Variants in ZMYM1 observed in about 807,000 individuals in gnomAD.
ZMYM1 encodes zinc finger MYM-type containing 1.
Under a neutral mutation model 60.0 loss-of-function variants are expected in ZMYM1, and 39 were observed. That is an observed-to-expected ratio of 0.65 (90% confidence interval 0.50 to 0.85). ZMYM1 has a LOEUF of 0.85. ZMYM1 is among the 40% of genes least tolerant of loss of function. The pLI is 0.00. For synonymous variants in ZMYM1, 413 were observed against 454.0 expected (o/e 0.91, Z 1.15); for missense variants, 1,171 against 1,309.5 (o/e 0.89, Z 1.63).
intron 1 of ZMYM1, among the ~76,000 whole-genome samples, chr1:35,065,657 G>GA (rs571665871): frequency 5.0e-4 from 71 of 140,642 alleles, no homozygotes; most frequent in East Asian, 1.9e-3. Flanking sequence ...TAAGAAGTTA[G>GA]AAAAAAAAAA....
downstream of ZMYM1, among the ~76,000 whole-genome samples, chr1:35,116,606 C>T (rs1264302075): frequency 3.9e-5 from 6 of 151,968 alleles, no homozygotes; most frequent in East Asian, 2.0e-4. Flanking sequence ...GACAGGCGCA[C>T]GCCACCACGC....
intron 4 of ZMYM1, 47 bp downstream of exon 4, chr1:35,097,613 T>C: frequency 6.3e-7 from 1 of 1,596,020 alleles, no homozygotes. Context: ...TACCTTGTTC[T>C]TGATCATAGT....
chr1:35,065,227 C>T (rs1021443001), intron 1 of ZMYM1, among the ~76,000 whole-genome samples: 5 of 152,038 alleles, frequency 3.3e-5, no homozygotes, highest in Non-Finnish European at 5.9e-5. Context: ...TCCTCCACAA[C>T]CTACTCTGCC....
intron 6 of ZMYM1, among the ~76,000 whole-genome samples, chr1:35,107,090 A>C (rs997664691): frequency 3.4e-5 from 5 of 148,424 alleles, no homozygotes; most frequent in Non-Finnish European, 7.5e-5. Flanking sequence ...TGACCTCGTG[A>C]TCCGCCCGCC....
At chr1:35,089,240 T>C (rs563879527) in intron 1 of ZMYM1, among the ~76,000 whole-genome samples, 1 of 152,344 alleles carries the variant, frequency 6.6e-6, no homozygotes, top group African/African-American at 2.4e-5. Flanking sequence ...TCATTGGCTG[T>C]GATACCGCCA....
rs751732107 is a variant in ZMYM1, at chr1:35,115,188, A to C, written c.3358A>C (p.Asn1120His). The C allele has an allele frequency of 6.2e-7, 1 of 1,612,724 alleles. No individual in the cohort carries two copies. The highest frequency in any genetic ancestry group is 1.7e-5 in the Admixed American group (1 of 59,648). Residue 1120 changes from asparagine to histidine, a missense_variant, in exon 10 of 10, where the codon AAT becomes CAT. Physicochemically the swap from Asn to His is moderately conservative, Grantham distance 68 (BLOSUM62 1). Coordinates refer to ENST00000359858, the MANE Select transcript of ZMYM1 (RefSeq NM_024772.5). ...AATGGCTGTTGAGCAGGAGTTGGTA[A>C]ATAAACTAATGGAGCCTGAAAGACT... ...ALMAVEQELVNKLMEPERLNE... is the reference protein window; with the variant it reads ...ALMAVEQELVHKLMEPERLNE...
rs182313758 is a variant in ZMYM1, at chr1:35,080,366, A to T, written c.-75+924A>T. Among the ~76,000 whole-genome samples, 439 of 138,948 alleles carry T rather than the reference A, an allele frequency of 3.2e-3. 1 individual carries two copies. The highest frequency in any genetic ancestry group is 0.011 in the African/African-American group (412 of 36,206). 91.2% of individuals were successfully genotyped at this position (138,948 alleles called of 152,430 possible). ...GGGTCTCGCTCTTTGGCCCAGGCTGAGTGCAGTGACACGATCACGGCTCAC... is the reference window on the plus strand; with the variant it reads ...GGGTCTCGCTCTTTGGCCCAGGCTGTGTGCAGTGACACGATCACGGCTCAC... On this transcript the variant is annotated intron_variant, in intron 1 of 9. Coordinates refer to ENST00000359858, the MANE Select transcript of ZMYM1 (RefSeq NM_024772.5).
intron 1 of ZMYM1, among the ~76,000 whole-genome samples, chr1:35,063,991 G>A (rs2148474671): frequency 6.6e-6 from 1 of 152,234 alleles, no homozygotes; most frequent in East Asian, 1.9e-4. Context: ...AGCCCGAAAT[G>A]ATAGATATCC....
Position 35,113,817 on chromosome 1 carries a change from G to A in ZMYM1, c.1987G>A (p.Val663Ile), listed in dbSNP as rs749718446. ...CATGAAAGAACAGCTTTCAATTTGT[G>A]TAAGATACCCACAAAAATCATCAAA... ...SAMKEQLSIC[V>I]RYPQKSSKAI... Residue 663 changes from valine (V) to isoleucine (I), a missense_variant, in exon 10 of 10, where the codon GTA becomes ATA. Transcript: ENST00000359858. The A allele has an allele frequency of 1.2e-6, 2 of 1,613,756 alleles. No individual in the cohort carries two copies. The highest frequency in any genetic ancestry group is 1.1e-5 in the South Asian group (1 of 91,028).
upstream of ZMYM1, among the ~76,000 whole-genome samples, chr1:35,076,397 G>A (rs552876876): frequency 2.6e-5 from 4 of 152,032 alleles, no homozygotes; most frequent in Non-Finnish European, 2.9e-5. Flanking sequence ...TGAGGTGAGC[G>A]GATCACTTGA....
chr1:35,096,886 G>T (rs1032923773), intron 3 of ZMYM1, among the ~76,000 whole-genome samples: 6 of 152,112 alleles, frequency 3.9e-5, no homozygotes, highest in Non-Finnish European at 8.8e-5. Flanking sequence ...TAGAGACGGG[G>T]TTTCACCATA....
intron 1 of ZMYM1, among the ~76,000 whole-genome samples, chr1:35,084,871 G>A (rs906942246): frequency 6.6e-6 from 1 of 151,840 alleles, no homozygotes; most frequent in African/African-American, 2.4e-5. Flanking sequence ...AGCTACTTTA[G>A]AATCCAGTAC....
chr1:35,103,747 G>A (rs927064126), intron 4 of ZMYM1, among the ~76,000 whole-genome samples: 2 of 152,058 alleles, frequency 1.3e-5, no homozygotes, highest in Non-Finnish European at 2.9e-5. Flanking sequence ...ACATCAACAC[G>A]GTGAAAAAGC....
intron 1 of ZMYM1, among the ~76,000 whole-genome samples, chr1:35,063,162 T>C (rs1401645752): frequency 1.3e-5 from 2 of 151,754 alleles, no homozygotes; most frequent in Non-Finnish European, 2.9e-5. Flanking sequence ...GGCCTCACTT[T>C]ATCACCCAGG....
intron 2 of ZMYM1, among the ~76,000 whole-genome samples, chr1:35,095,447 C>T (rs539512108): frequency 9.5e-5 from 14 of 147,556 alleles, no homozygotes; most frequent in African/African-American, 3.5e-4. Context: ...GACGAGATCG[C>T]GTCACTGTAC....
chr1:35,113,941 T>C lies in ZMYM1; in HGVS notation c.2111T>C (p.Ile704Thr). The C allele has an allele frequency of 1.2e-6, 2 of 1,613,878 alleles. No individual in the cohort carries two copies. The highest frequency in any genetic ancestry group is 8.5e-7 in the Non-Finnish European group (1 of 1,179,870). ...ACTATCAAAACTTATCTGCAGCAAA[T>C]TGGAGTTGATATGGATAAAATACAT... ...HRTIKTYLQQ[I>T]GVDMDKIHGQ... is the part of the protein sequence containing the mutation. The change falls in exon 10 of 10, where the codon ATT becomes ACT. Residue 704 changes from isoleucine to threonine, a missense_variant. By Grantham distance (89) the Ile-to-Thr change is moderately conservative. Coordinates refer to ENST00000359858, the MANE Select transcript of ZMYM1 (RefSeq NM_024772.5).
chr1:35,089,836 C>T (rs1642891953), intron 1 of ZMYM1, among the ~76,000 whole-genome samples: 1 of 147,236 alleles, frequency 6.8e-6, no homozygotes, highest in African/African-American at 2.5e-5. Flanking sequence ...AGGTCTGCCT[C>T]CCAGGTTCAC....
chr1:35,113,602 A>C lies in ZMYM1; in HGVS notation c.1772A>C (p.Glu591Ala). The change falls in exon 10 of 10, where the codon GAA becomes GCA. Residue 591 changes from glutamate to alanine, a missense_variant. Glu to Ala is a moderately radical substitution (Grantham distance 107). Transcript: ENST00000359858. ...VNKGNFLELL[E>A]MRAKDKGEET... Reference sequence around the variant, plus strand: ...AAAGGCAATTTTTTAGAATTGTTAGAAATGAGAGCAAAAGATAAAGGAGAA... The same window carrying C: ...AAAGGCAATTTTTTAGAATTGTTAGCAATGAGAGCAAAAGATAAAGGAGAA... 6.2e-7 allele frequency: 1 copy of C among 1,613,834 alleles called. No individual in the cohort carries two copies. Among genetic ancestry groups the C allele is most frequent in the Non-Finnish European group, 8.5e-7 (1 of 1,179,884 alleles).
chr1:35,087,398 G>A (rs1272327199), intron 1 of ZMYM1, among the ~76,000 whole-genome samples: 1 of 150,474 alleles, frequency 6.6e-6, no homozygotes, highest in Non-Finnish European at 1.5e-5. Context: ...GTCTATATGT[G>A]TATCTGGAAA....
Sources: allele counts gnomAD v4.1 joint callset (sites outside exome capture counted in the v4.1 genomes callset), GRCh38; gene constraint gnomAD v4.1.1; transcripts MANE v1.5; gene names NCBI Gene and HGNC (gene_info 2026-07-23, HGNC 2026-07-21).